Variants in TG observed in about 807,000 individuals in gnomAD.
TG encodes thyroglobulin.
A neutral mutation model predicts 324.7 loss-of-function variants in TG; 270 were observed. That is an observed-to-expected ratio of 0.83 (90% CI 0.75 to 0.92). TG has a LOEUF of 0.92. TG is among the 40% of genes least tolerant of loss of function. The pLI, the probability that TG is intolerant of heterozygous loss-of-function variation, is 0.00. For missense variants in TG, 3,591 were observed against 3,456.4 expected (o/e 1.04, Z -0.98); for synonymous variants, 1,401 against 1,327.0 (o/e 1.06, Z -1.21).
At chr8:133,042,676 G>GTTT (rs1838483510) in intron 41 of TG, among the ~76,000 whole-genome samples, 9 of 55,572 alleles carry the variant, frequency 1.6e-4, no homozygotes, top group Non-Finnish European at 2.7e-4. Context: ...CTCATTCTGT[G>GTTT]TCTTTTTTTT....
chr8:132,949,546 TC>T (rs1563992870), intron 27 of TG, among the ~76,000 whole-genome samples: 1 of 152,012 alleles, frequency 6.6e-6, no homozygotes, highest in South Asian at 2.1e-4. Flanking sequence ...ATGCAATCTG[TC>T]CCCCAAACTA....
chr8:133,042,413 A>G (rs531480582), intron 41 of TG, among the ~76,000 whole-genome samples: 1 of 151,994 alleles, frequency 6.6e-6, no homozygotes, highest in Non-Finnish European at 1.5e-5. Context: ...GAATTCATGT[A>G]TGCCCCATGC....
chr8:132,953,475 G>A (rs922869795), intron 27 of TG, among the ~76,000 whole-genome samples: 1 of 152,192 alleles, frequency 6.6e-6, no homozygotes, highest in Non-Finnish European at 1.5e-5. Flanking sequence ...TGGACTGACA[G>A]GGATTGTAGG....
At position 132,886,842 on chromosome 8, in the gene TG, C is replaced by A; in HGVS notation, c.1470C>A (p.Gly490=). 6.2e-7 allele frequency: 1 copy of A among 1,614,142 alleles called. No homozygotes were observed. Among genetic ancestry groups the A allele is most frequent in the Non-Finnish European group, 8.5e-7 (1 of 1,180,036 alleles). Reference sequence around the variant, plus strand: ...AGTTTAACTTGTCTGGAGCCCTTGGCACAAGAGGCACATTTAACTTCAGTC... The same window carrying A: ...AGTTTAACTTGTCTGGAGCCCTTGGAACAAGAGGCACATTTAACTTCAGTC... ...VGQFNLSGAL[G]TRGTFNFSQF... is the part of the protein sequence containing the mutation. Residue 490 remains glycine, a synonymous_variant, in exon 9 of 48, where the codon GGC becomes GGA. Transcript: ENST00000220616.
At chr8:133,094,844 G>A in intron 41 of TG, 200 bp from the exon 42 acceptor site, 1 of 695,596 alleles carries the variant, frequency 1.4e-6, no homozygotes, top group Non-Finnish European at 2.5e-6. Context: ...GGCCTAGAGA[G>A]ACATCTTCAG....
intron 41 of TG, among the ~76,000 whole-genome samples, chr8:133,059,767 T>G (rs1842095729): frequency 6.6e-6 from 1 of 152,182 alleles, no homozygotes; most frequent in African/African-American, 2.4e-5. Flanking sequence ...GATTGGAAAT[T>G]TAACAGCAAA....
intron 43 of TG, among the ~76,000 whole-genome samples, chr8:133,100,489 G>T (rs1849074460): frequency 6.6e-6 from 1 of 152,218 alleles, no homozygotes; most frequent in Admixed American, 6.5e-5. Flanking sequence ...TCACTAGGAT[G>T]AATGAATGAA....
intron 22 of TG, among the ~76,000 whole-genome samples, chr8:132,924,189 A>G (rs893330951): frequency 2.0e-5 from 3 of 151,952 alleles, no homozygotes; most frequent in Non-Finnish European, 2.9e-5. Flanking sequence ...AGGAGCATGC[A>G]ACCTAGATCC....
intron 41 of TG, among the ~76,000 whole-genome samples, chr8:133,073,785 A>G (rs1306336916): frequency 6.6e-6 from 1 of 151,490 alleles, no homozygotes; most frequent in East Asian, 1.9e-4. Context: ...GGCTCCCCCA[A>G]CCCTTTAGAG....
intron 43 of TG, 73 bp downstream of exon 43, chr8:133,096,446 T>C (rs1294567076): frequency 1.3e-6 from 2 of 1,575,022 alleles, no homozygotes; most frequent in African/African-American, 1.4e-5. Context: ...ATGTCTGACT[T>C]GATCAAGAGA....
At chr8:132,889,132 C>T (rs1345973131) in intron 10 of TG, among the ~76,000 whole-genome samples, 1 of 152,150 alleles carries the variant, frequency 6.6e-6, no homozygotes, top group African/African-American at 2.4e-5. Context: ...TTGTGGCAGA[C>T]TTATGGGAAA....
chr8:132,898,844 T>C lies in TG; in HGVS notation c.3264T>C (p.Ser1088=). The part of the protein sequence containing the change: ...EKSRTSGLLS[S]WKQARSQENP... ...CTCGAACCAGTGGGCTGCTTTCCAG[T>C]TGGAAACAGGCTAGATCCCAAGAAA... The change falls in exon 14 of 48, where the codon AGT becomes AGC. Residue 1088 remains serine (S), a synonymous_variant. Transcript: ENST00000220616. 2 of 1,614,154 alleles carry C rather than the reference T, an allele frequency of 1.2e-6. No homozygotes were observed. The highest frequency in any genetic ancestry group is 1.1e-5 in the South Asian group (1 of 91,074).
In TG at chr8:132,916,298, C is replaced by T. The variant is rs148893976; in HGVS notation, c.4378+3033C>T. 4.5e-4 allele frequency among the ~76,000 whole-genome samples: 68 copies of T among 152,264 alleles called. No individual in the cohort carries two copies. The East Asian group carries it at 0.01, about 22-fold the overall frequency. ...AGCACAGCACTTAGTAAACTCTTGG[C>T]GAATGGTTTGTTGTGAAAATTGGCA... On this transcript the variant is annotated intron_variant, in intron 20 of 47. Coordinates refer to ENST00000220616, the MANE Select transcript of TG (RefSeq NM_003235.5).
At chr8:132,893,405 TGTGTG>T (rs996227794) in intron 10 of TG, among the ~76,000 whole-genome samples, 1 of 132,832 alleles carries the variant, frequency 7.5e-6, no homozygotes, top group Non-Finnish European at 1.6e-5. Flanking sequence ...GGTGTGTATG[TGTGTG>T]GTGTGGTGTG....
intron 41 of TG, chr8:133,047,793 G>T (rs1483456905): frequency 2.6e-6 from 3 of 1,142,236 alleles, no homozygotes; most frequent in Admixed American, 1.7e-5. Flanking sequence ...ATGCTTGTCT[G>T]CCCCGGATGG....
chr8:132,937,501 C>A (rs1823780575), intron 25 of TG, among the ~76,000 whole-genome samples: 1 of 144,304 alleles, frequency 6.9e-6, no homozygotes, highest in African/African-American at 2.9e-5. Flanking sequence ...CAGGGTCACT[C>A]GGATCTCTCT....
At chr8:132,969,187 T>C (rs1315437581) in intron 31 of TG, among the ~76,000 whole-genome samples, 2 of 152,182 alleles carry the variant, frequency 1.3e-5, no homozygotes, top group African/African-American at 4.8e-5. Context: ...TGAGTAGTTT[T>C]CTTGGTCTGT....
At chr8:133,015,358 G>A (rs978039902) in intron 37 of TG, among the ~76,000 whole-genome samples, 1 of 152,186 alleles carries the variant, frequency 6.6e-6, no homozygotes, top group African/African-American at 2.4e-5. Context: ...TCACACAGAC[G>A]TTATTTGTTT....
chr8:132,903,674 G>C (rs1004511374), intron 16 of TG, among the ~76,000 whole-genome samples: 6 of 152,160 alleles, frequency 3.9e-5, no homozygotes, highest in Non-Finnish European at 5.9e-5. Flanking sequence ...AGTGCACCAG[G>C]AGGATGGCGT....
Sources: allele counts gnomAD v4.1 joint callset (sites outside exome capture counted in the v4.1 genomes callset), GRCh38; gene constraint gnomAD v4.1.1; transcripts MANE v1.5; gene names NCBI Gene and HGNC (gene_info 2026-07-23, HGNC 2026-07-21).